The following IMPG2 variants were observed in gnomAD, a reference collection of about 807,000 sequenced individuals.
IMPG2 encodes the protein IPM 200.
In IMPG2, 91 loss-of-function variants were observed where a neutral mutation model predicts 129.2. The observed-to-expected ratio is 0.70, with a 90% CI of 0.59 to 0.84. The LOEUF is 0.84. Among genes scored for constraint, IMPG2 ranks in the 40% least tolerant of loss-of-function variants. The pLI, the probability that IMPG2 is intolerant of heterozygous loss-of-function variation, is 0.00. For synonymous variants in IMPG2, 510 were observed against 517.7 expected (o/e 0.99, Z 0.20); for missense variants, 1,430 against 1,461.7 (o/e 0.98, Z 0.35).
At chr3:101,293,110 T>C (rs1707040030) in intron 3 of IMPG2, among the ~76,000 whole-genome samples, 1 of 152,188 alleles carries the variant, frequency 6.6e-6, no homozygotes, top group South Asian at 2.1e-4. Context: ...ATCTCACCTA[T>C]TGAGTCATGA....
chr3:101,247,588 A>C (rs1373052983), intron 11 of IMPG2, among the ~76,000 whole-genome samples: 1 of 125,566 alleles, frequency 8.0e-6, no homozygotes, highest in Non-Finnish European at 1.7e-5. Flanking sequence ...CAAGAGCAAA[A>C]CTCCGTCTCA....
At chr3:101,229,298 A>ACACCCCCCCC in intron 17 of IMPG2, 82 bp downstream of exon 17, 1 of 973,064 alleles carries the variant, frequency 1.0e-6, no homozygotes, top group Non-Finnish European at 1.6e-6. Flanking sequence ...ACACTCATAC[A>ACACCCCCCCC]CACCCCCACC....
intron 9 of IMPG2, among the ~76,000 whole-genome samples, chr3:101,258,592 C>A (rs1706638022): frequency 6.6e-6 from 1 of 152,036 alleles, no homozygotes; most frequent in Non-Finnish European, 1.5e-5. Context: ...AAAGCTAACT[C>A]CCTCATTAAT....
At position 101,229,445 on chromosome 3, in the gene IMPG2, C is replaced by T. The variant is rs762391776; in HGVS notation, c.3568G>A (p.Val1190Met). 1.9e-6 allele frequency: 3 copies of T among 1,612,858 alleles called. No homozygotes were observed. Among genetic ancestry groups the T allele is most frequent in the Admixed American group, 3.3e-5 (2 of 59,998 alleles). The change falls in exon 17 of 19, where the codon GTG (valine) becomes ATG (methionine). Residue 1190 changes from valine to methionine, a missense_variant. Coordinates refer to ENST00000193391, the MANE Select transcript of IMPG2 (RefSeq NM_016247.4). ...HPFYSSASGDVIGGLSREEIR... is the reference protein window; with the variant it reads ...HPFYSSASGDMIGGLSREEIR... Reference sequence around the variant, plus strand: ...TCTTCTCTGCTCAGCCCACCAATCACGTCTCCGCTAGCAGAGCTGTAGAAG... The same window carrying T: ...TCTTCTCTGCTCAGCCCACCAATCATGTCTCCGCTAGCAGAGCTGTAGAAG...
At chr3:101,245,746 A>T in intron 12 of IMPG2, 56 bp downstream of exon 12, 1 of 1,503,270 alleles carries the variant, frequency 6.7e-7, no homozygotes, top group Non-Finnish European at 9.3e-7. Flanking sequence ...TCCTCTCTTT[A>T]AAACCCCTGT....
At chr3:101,314,254 T>C (rs1347938850) in intron 2 of IMPG2, among the ~76,000 whole-genome samples, 1 of 152,140 alleles carries the variant, frequency 6.6e-6, no homozygotes, top group African/African-American at 2.4e-5. Flanking sequence ...TAAACTTGTA[T>C]CTCAGACTCA....
chr3:101,287,463 G>T (rs907940544), intron 4 of IMPG2, among the ~76,000 whole-genome samples: 1 of 152,120 alleles, frequency 6.6e-6, no homozygotes, highest in Non-Finnish European at 1.5e-5. Context: ...CAAAGCCAGA[G>T]GCATCACACT....
chr3:101,255,612 C>T (rs72930589), intron 10 of IMPG2, among the ~76,000 whole-genome samples: 3,281 of 152,182 alleles, frequency 0.022, 112 homozygotes, highest in African/African-American at 0.075. Flanking sequence ...CTAACTATAT[C>T]TTTTCTCTGT....
intron 18 of IMPG2, chr3:101,227,980 C>T (rs1706242227): frequency 2.6e-6 from 1 of 387,778 alleles, no homozygotes; most frequent in Admixed American, 2.9e-5. Context: ...TGATTTTTCT[C>T]TTCTAAAAGC....
intron 1 of IMPG2, 59 bp from the exon 2 acceptor site, chr3:101,319,891 A>T: frequency 6.4e-7 from 1 of 1,562,804 alleles, no homozygotes; most frequent in African/African-American, 1.4e-5. Context: ...AAAAGGTAAC[A>T]ACTAAAGAAA....
chr3:101,290,429 AG>A (rs1420786403), intron 4 of IMPG2, among the ~76,000 whole-genome samples: 1 of 152,138 alleles, frequency 6.6e-6, no homozygotes, highest in Non-Finnish European at 1.5e-5. Flanking sequence ...GGATCACTTA[AG>A]CCTGGGAGCA....
chr3:101,294,484 G>A (rs770417106), intron 3 of IMPG2, among the ~76,000 whole-genome samples: 1 of 152,116 alleles, frequency 6.6e-6, no homozygotes, highest in Non-Finnish European at 1.5e-5. Flanking sequence ...TCTTTATCCA[G>A]TCTCTCATTG....
chr3:101,233,049 A>C (rs1412996069), intron 14 of IMPG2, 58 bp from the exon 15 acceptor site: 2 of 1,506,326 alleles, frequency 1.3e-6, no homozygotes, highest in East Asian at 4.5e-5. Flanking sequence ...ACTGGGGTAT[A>C]CAAAGCCCTT....
intron 9 of IMPG2, 50 bp from the exon 10 acceptor site, chr3:101,257,823 G>C (rs752653831): frequency 6.2e-7 from 1 of 1,603,772 alleles, no homozygotes; most frequent in Non-Finnish European, 8.5e-7. Context: ...GAAGCACAAA[G>C]AAAGGAGCAT....
At position 101,257,616 on chromosome 3, in the gene IMPG2, C is replaced by A. The variant is rs747922853; in HGVS notation, c.1066G>T (p.Asp356Tyr). 5 of 1,613,456 alleles carry A rather than the reference C, an allele frequency of 3.1e-6. No homozygotes were observed. The highest frequency in any genetic ancestry group is 4.5e-5 in the East Asian group (2 of 44,874). ...TVVYTISNFR[D>Y]YIAETLQQNF... is the part of the protein sequence containing the mutation. Reference sequence around the variant, plus strand: ...TGCTGCAATGTCTCAGCAATATAATCTCTGAAGTTACTGATTGTATAAACA... The same window carrying A: ...TGCTGCAATGTCTCAGCAATATAATATCTGAAGTTACTGATTGTATAAACA... Residue 356 changes from aspartate to tyrosine, a missense_variant, in exon 10 of 19, where the codon GAT becomes TAT. Physicochemically the swap from Asp to Tyr is radical, Grantham distance 160. Transcript: ENST00000193391.
chr3:101,229,160 T>C (rs1457755392), intron 17 of IMPG2, among the ~76,000 whole-genome samples: 1 of 147,152 alleles, frequency 6.8e-6, no homozygotes, highest in Admixed American at 6.8e-5. Context: ...AAAAGCGCCA[T>C]TGTGGGGGAA....
In IMPG2 at chr3:101,244,550, T is replaced by C. The variant is rs748014696; in HGVS notation, c.1781A>G (p.Glu594Gly). Residue 594 changes from glutamate to glycine, a missense_variant, in exon 13 of 19, where the codon GAG becomes GGG. Transcript: ENST00000193391. ...ACCTAAACCACCGTCAAATATTAAC[T>C]CTTTTTCCATGGATGCATCTGGCAG... ...PFLPDASMEKELIFDGGLGSG... is the reference protein window; with the variant it reads ...PFLPDASMEKGLIFDGGLGSG... The C allele has an allele frequency of 1.3e-6, 2 of 1,594,896 alleles. No individual in the cohort carries two copies. Among genetic ancestry groups the C allele is most frequent in the Non-Finnish European group, 8.5e-7 (1 of 1,171,032 alleles).
chr3:101,279,888 C>T (rs3773918), intron 4 of IMPG2, among the ~76,000 whole-genome samples: 19,453 of 152,108 alleles, frequency 0.13, 1,305 homozygotes, highest in Middle Eastern at 0.17. Flanking sequence ...CCTCAACCAC[C>T]CACTCTCCTT....
intron 5 of IMPG2, 93 bp from the exon 6 acceptor site, chr3:101,275,838 T>G: frequency 1.1e-6 from 1 of 916,430 alleles, no homozygotes; most frequent in Non-Finnish European, 1.8e-6. Flanking sequence ...CAAAAACCAT[T>G]CCTATAAATA....
Sources: allele counts gnomAD v4.1 joint callset (sites outside exome capture counted in the v4.1 genomes callset), GRCh38; gene constraint gnomAD v4.1.1; transcripts MANE v1.5; gene names NCBI Gene and HGNC (gene_info 2026-07-23, HGNC 2026-07-21).